The following GRHL2 variants were observed in gnomAD, a reference collection of about 807,000 sequenced individuals.
GRHL2 encodes the protein grainyhead-like protein 2 homolog.
In GRHL2, 21 loss-of-function variants were observed where a neutral mutation model predicts 83.8. That is an observed-to-expected ratio of 0.25 (90% CI 0.18 to 0.36). The LOEUF (loss-of-function observed/expected upper bound fraction) is 0.36. GRHL2 is among the 10% of genes least tolerant of loss of function. The pLI, the probability that GRHL2 is intolerant of heterozygous loss-of-function variation, is 1.00. For missense variants in GRHL2, 623 were observed against 781.8 expected (o/e 0.80, Z 2.42); for synonymous variants, 280 against 278.9 (o/e 1.00, Z -0.04).
rs1174379691 is a variant in GRHL2, at chr8:101,669,350, G to A, written c.*2647G>A. Reference sequence around the variant, plus strand: ...AACTTACTTTATGAGTGTTTGTTTAGAAGTTCGGACCAACAGAAAAATGCA... The same window carrying A: ...AACTTACTTTATGAGTGTTTGTTTAAAAGTTCGGACCAACAGAAAAATGCA... On this transcript the variant is annotated 3_prime_UTR_variant, in exon 16 of 16. Coordinates refer to ENST00000646743, the MANE Select transcript of GRHL2 (RefSeq NM_024915.4). 6.8e-6 allele frequency: 1 copy of A among 147,634 alleles called. No individual in the cohort carries two copies. The highest frequency in any genetic ancestry group is 7.0e-5 in the Admixed American group (1 of 14,384). 9.1% of individuals were successfully genotyped at this position (147,634 alleles called of 1,614,324 possible). A position where few individuals can be genotyped will look rare whatever the true frequency, so the allele number is the denominator to read the frequency against.
intron 12 of GRHL2, among the ~76,000 whole-genome samples, chr8:101,637,623 C>T (rs777285666): frequency 3.9e-5 from 6 of 152,206 alleles, no homozygotes; most frequent in Non-Finnish European, 5.9e-5. Flanking sequence ...AGCTGACCTC[C>T]TCTCGTAGAT....
intron 7 of GRHL2, among the ~76,000 whole-genome samples, chr8:101,588,275 C>T (rs1483125700): frequency 6.6e-6 from 1 of 152,138 alleles, no homozygotes; most frequent in Admixed American, 6.5e-5. Context: ...CTGGGGTCAG[C>T]ATTAGAACAG....
intron 4 of GRHL2, among the ~76,000 whole-genome samples, chr8:101,559,454 C>T (rs922718411): frequency 9.9e-5 from 15 of 151,706 alleles, no homozygotes; most frequent in Admixed American, 5.9e-4. Context: ...CGCTTCAACC[C>T]GGGAGGCGGA....
rs141580991 is a variant in GRHL2, at chr8:101,634,704, A to G, written c.1486-2193A>G. ...ATGGCCAGTGAGGCACCCTCAAGCT[A>G]TGCTGAAGCTATGGGGCAGCAGTCC... is the stretch of plus-strand genomic sequence containing the variant. On this transcript the variant is annotated intron_variant, in intron 11 of 15. Transcript: ENST00000646743. 2.8e-3 allele frequency among the ~76,000 whole-genome samples: 427 copies of G among 152,298 alleles called. 6 individuals are homozygous for G. Among genetic ancestry groups the G allele is most frequent in the African/African-American group, 9.8e-3 (406 of 41,574 alleles).
intron 1 of GRHL2, among the ~76,000 whole-genome samples, chr8:101,493,947 C>T (rs2129943806): frequency 6.6e-6 from 1 of 152,154 alleles, no homozygotes; most frequent in South Asian, 2.1e-4. Flanking sequence ...GGGAGGGAGC[C>T]GGAGGTGGGT....
chr8:101,605,973 T>C (rs1393867528), intron 8 of GRHL2, among the ~76,000 whole-genome samples: 1 of 152,222 alleles, frequency 6.6e-6, no homozygotes, highest in Non-Finnish European at 1.5e-5. Context: ...CACCTTTCTT[T>C]AGTATATTTT....
At position 101,591,434 on chromosome 8, in the gene GRHL2, CCTT is replaced by C. The variant is rs143746283; in HGVS notation, c.1004-7619_1004-7617del. On this transcript the variant is annotated intron_variant, in intron 7 of 15. Transcript: ENST00000646743. ...CTCTACTGAAGCACCCCAACCTTGT[CCTT>C]CTTGTCAAGGAATTTGCAATGATCC... is the stretch of plus-strand genomic sequence containing the variant. 1.9e-3 allele frequency among the ~76,000 whole-genome samples: 283 copies of C among 152,294 alleles called. 1 individual carries two copies. Among genetic ancestry groups the C allele is most frequent in the African/African-American group, 6.5e-3 (269 of 41,568 alleles).
In GRHL2 at chr8:101,666,864, G is replaced by A. The variant is rs983648616; in HGVS notation, c.*161G>A. 1.6e-5 allele frequency: 11 copies of A among 680,406 alleles called. No homozygotes were observed. Among genetic ancestry groups the A allele is most frequent in the Non-Finnish European group, 2.4e-5 (9 of 371,622 alleles). The allele number at this position is 680,406 out of a possible 1,614,324, so 42.1% of individuals were successfully genotyped here. A position where few individuals can be genotyped will look rare whatever the true frequency, so the allele number is the denominator to read the frequency against. ...GGGGCAAGGGACAGGCCCCACTGTC[G>A]GTGTGCTTGGCCCATCCACTGGCAC... On this transcript the variant is annotated 3_prime_UTR_variant, in exon 16 of 16. Coordinates refer to ENST00000646743, the MANE Select transcript of GRHL2 (RefSeq NM_024915.4).
downstream of GRHL2, among the ~76,000 whole-genome samples, chr8:101,671,204 G>C (rs1037048732): frequency 3.9e-5 from 6 of 152,208 alleles, no homozygotes; most frequent in African/African-American, 1.4e-4. Flanking sequence ...CCCTGCGCAA[G>C]CTGAAGCAGG....
At chr8:101,563,747 CTGAA>C (rs1276037279) in intron 4 of GRHL2, among the ~76,000 whole-genome samples, 1 of 149,470 alleles carries the variant, frequency 6.7e-6, no homozygotes, top group Non-Finnish European at 1.5e-5. Flanking sequence ...TGTTTTTAAA[CTGAA>C]TGAAGGATCT....
At chr8:101,556,381 T>C (rs1331058219) in intron 3 of GRHL2, among the ~76,000 whole-genome samples, 1 of 152,118 alleles carries the variant, frequency 6.6e-6, no homozygotes, top group East Asian at 1.9e-4. Flanking sequence ...GGGCAAAAGA[T>C]GTATTTTCTC....
At chr8:101,589,501 CAG>C (rs1316446404) in intron 7 of GRHL2, among the ~76,000 whole-genome samples, 1 of 152,108 alleles carries the variant, frequency 6.6e-6, no homozygotes, top group Admixed American at 6.5e-5. Flanking sequence ...TGAAATCAGA[CAG>C]AATAAAAAAT....
chr8:101,665,423 G>A (rs990966704), intron 15 of GRHL2, among the ~76,000 whole-genome samples: 5 of 152,216 alleles, frequency 3.3e-5, no homozygotes, highest in African/African-American at 7.2e-5. Context: ...GGGAAGCTCA[G>A]GCTTTCTGAG....
intron 2 of GRHL2, among the ~76,000 whole-genome samples, chr8:101,546,756 A>T (rs1414082799): frequency 2.0e-5 from 3 of 152,216 alleles, no homozygotes; most frequent in Non-Finnish European, 2.9e-5. Context: ...TATTTCCCAC[A>T]GATGCAGAGG....
the GRHL2 span, among the ~76,000 whole-genome samples, chr8:101,681,179 G>C: frequency 7.1e-6 from 1 of 140,180 alleles, no homozygotes; most frequent in African/African-American, 2.8e-5. Flanking sequence ...TAGACCGCTA[G>C]CAAGACTAAT....
At chr8:101,530,041 A>T (rs1014879298) in intron 1 of GRHL2, among the ~76,000 whole-genome samples, 1 of 152,180 alleles carries the variant, frequency 6.6e-6, no homozygotes, top group African/African-American at 2.4e-5. Flanking sequence ...CTCTGTATTT[A>T]AGAAGCCAAC....
chr8:101,615,031 T>G (rs1172764821), intron 8 of GRHL2, among the ~76,000 whole-genome samples: 2 of 152,188 alleles, frequency 1.3e-5, no homozygotes, highest in Non-Finnish European at 2.9e-5. Flanking sequence ...TGTTGTTTAC[T>G]TTTAATGGAA....
chr8:101,577,093 G>T (rs1299878713), intron 6 of GRHL2, among the ~76,000 whole-genome samples: 1 of 152,008 alleles, frequency 6.6e-6, no homozygotes, highest in East Asian at 1.9e-4. Flanking sequence ...TTTGGGGGGG[G>T]TTTCTGCTGA....
At chr8:101,494,770 CAG>C (rs1320220965) in intron 1 of GRHL2, among the ~76,000 whole-genome samples, 1 of 152,208 alleles carries the variant, frequency 6.6e-6, no homozygotes, top group Non-Finnish European at 1.5e-5. Flanking sequence ...TGTTTACCAT[CAG>C]AAATAAGTAC....
Sources: gnomAD v4.1 joint callset for allele counts (sites outside exome capture counted in the v4.1 genomes callset) on GRCh38, gnomAD v4.1.1 for gene constraint, MANE v1.5 for transcripts, NCBI Gene and HGNC (gene_info 2026-07-23, HGNC 2026-07-21) for gene names.